The following SYCP2 variants were observed in gnomAD, a reference collection of about 807,000 sequenced individuals.
SYCP2 encodes synaptonemal complex lateral element protein.
SYCP2 carries 55 observed loss-of-function variants against 211.3 expected under a neutral mutation model. That is an observed-to-expected ratio of 0.26 (90% CI 0.21 to 0.33). The LOEUF is 0.33. Ranked by LOEUF, SYCP2 falls within the 10% of genes least tolerant of loss-of-function variation. The pLI is 1.00. For synonymous variants in SYCP2, 570 were observed against 555.2 expected, an observed-to-expected ratio of 1.03 and a Z score of -0.37; for missense variants, 1,731 against 1,752.0, an observed-to-expected ratio of 0.99 and a Z score of 0.21.
chr20:59,900,848 AT>A (rs766863001), intron 16 of SYCP2, 30 bp from the exon 17 acceptor site: 1 of 1,361,302 alleles, frequency 7.3e-7, no homozygotes, highest in Non-Finnish European at 1.0e-6. Flanking sequence ...CAGTGATGAC[AT>A]TTTCTTCATT....
intron 33 of SYCP2, 57 bp downstream of exon 33, chr20:59,877,328 T>C: frequency 8.5e-7 from 1 of 1,182,350 alleles, no homozygotes; most frequent in Admixed American, 3.0e-5. Flanking sequence ...TTTACAAAAA[T>C]ATATATTTAG....
intron 22 of SYCP2, 113 bp from the exon 23 acceptor site, chr20:59,892,814 TGTGGA>T: frequency 1.1e-6 from 1 of 940,268 alleles, no homozygotes; most frequent in Non-Finnish European, 1.5e-6. Flanking sequence ...GTGAAAATTA[TGTGGA>T]AATTTATCTT....
intron 4 of SYCP2, 139 bp from the exon 5 acceptor site, chr20:59,920,626 C>G: frequency 1.4e-6 from 1 of 696,802 alleles, no homozygotes; most frequent in Non-Finnish European, 2.3e-6. Context: ...TATATTGCAA[C>G]AGATGAAAAT....
At chr20:59,869,033 C>T in intron 36 of SYCP2, 108 bp from the exon 37 acceptor site, 1 of 714,110 alleles carries the variant, frequency 1.4e-6, no homozygotes, top group South Asian at 1.9e-5. Context: ...GCTGTCAATT[C>T]TTTCTCAGAT....
rs745573022 is a variant in SYCP2 at position 59,880,979 on chromosome 20, G to A, written c.2759C>T (p.Thr920Ile). Residue 920 changes from threonine (T) to isoleucine (I), a missense_variant, in exon 30 of 45, where the codon ACA becomes ATA. Transcript: ENST00000357552. ...ATTATAACTTACTTTTTTATCTTTT[G>A]TTTTGACAGAAGATTTAAGTTCATC... ...NHDELKSSVK[T>I]KDKKIITNHQ... The A allele has an allele frequency of 1.4e-6, 2 of 1,475,818 alleles. No individual in the cohort carries two copies. Among genetic ancestry groups the A allele is most frequent in the Non-Finnish European group, 1.9e-6 (2 of 1,078,576 alleles). 91.4% of individuals were successfully genotyped at this position (1,475,818 alleles called of 1,614,324 possible). A position where few individuals can be genotyped will look rare whatever the true frequency, so the allele number is the denominator to read the frequency against.
At chr20:59,908,809 C>T (rs1277582147) in intron 14 of SYCP2, among the ~76,000 whole-genome samples, 2 of 152,070 alleles carry the variant, frequency 1.3e-5, no homozygotes, top group South Asian at 2.1e-4. Flanking sequence ...TTTTTTCCTT[C>T]AACCTCTCCC....
At chr20:59,919,026 TAA>T in intron 7 of SYCP2, 130 bp downstream of exon 7, 1 of 482,226 alleles carries the variant, frequency 2.1e-6, no homozygotes. Context: ...CCCTTTACAG[TAA>T]AAGTTTGTTG....
intron 24 of SYCP2, among the ~76,000 whole-genome samples, chr20:59,888,692 G>C (rs1354365476): frequency 6.6e-6 from 1 of 151,908 alleles, no homozygotes; most frequent in Non-Finnish European, 1.5e-5. Flanking sequence ...ATATTGATTG[G>C]GAAAGAAGAA....
At chr20:59,866,649 T>C (rs2059343487) in intron 39 of SYCP2, 60 bp from the exon 40 acceptor site, 2 of 1,081,008 alleles carry the variant, frequency 1.9e-6, no homozygotes, top group Admixed American at 5.1e-5. Flanking sequence ...TAACCAAGAC[T>C]ACAGTAACAG....
At position 59,914,097 on chromosome 20, in the gene SYCP2, T is replaced by C; in HGVS notation, c.777+12A>G. 1.3e-6 allele frequency: 2 copies of C among 1,589,804 alleles called. No homozygotes were observed. Among genetic ancestry groups the C allele is most frequent in the Non-Finnish European group, 1.7e-6 (2 of 1,167,924 alleles). ...AAAATTCACGAATTTCTGTTATTGT[T>C]ATACAACTTACTGTTTCAAATTCAG... On this transcript the variant is annotated intron_variant, in intron 11 of 44. Coordinates refer to ENST00000357552, the MANE Select transcript of SYCP2 (RefSeq NM_014258.4).
Position 59,896,424 on chromosome 20 carries a change from CT to C in SYCP2, c.1504+4del. 1 of 1,499,666 alleles carries C rather than the reference CT, an allele frequency of 6.7e-7. No individual in the cohort carries two copies. The highest frequency in any genetic ancestry group is 9.2e-7 in the Non-Finnish European group (1 of 1,089,148). The allele number at this position is 1,499,666 out of a possible 1,614,324, so 92.9% of individuals were successfully genotyped here. ...TTAGAAATCTTTTAAAACTATAAAA[CT>C]TACATGTGTTGCTGAAAAGCACTGG... On this transcript the variant is annotated splice_donor_region_variant and intron_variant, in intron 19 of 44. Coordinates refer to ENST00000357552, the MANE Select transcript of SYCP2 (RefSeq NM_014258.4).
intron 14 of SYCP2, among the ~76,000 whole-genome samples, chr20:59,908,469 AG>A (rs539753065): frequency 5.3e-4 from 80 of 152,228 alleles, no homozygotes; most frequent in African/African-American, 1.9e-3. Context: ...CAGTATTCTA[AG>A]TTTTCCCCAA....
chr20:59,912,472 T>C, intron 12 of SYCP2, 54 bp from the exon 13 acceptor site: 1 of 652,106 alleles, frequency 1.5e-6, no homozygotes, highest in Non-Finnish European at 2.5e-6. Flanking sequence ...CAGCATAATC[T>C]TGTCCAGTAA....
In SYCP2 at chr20:59,907,505, A is replaced by G. The variant is rs1349453300; in HGVS notation, c.973-81T>C. On this transcript the variant is annotated intron_variant, in intron 14 of 44. Transcript: ENST00000357552. ...CTTTAAACATCAAATTTCAAGTTAC[A>G]GGAACTATGAATTCTTTTTGCTAGT... The G allele has an allele frequency of 7.8e-6, 9 of 1,155,736 alleles. No homozygotes were observed. In the Admixed American group the frequency reaches 1.9e-4, roughly 25 times the overall value. 71.6% of individuals were successfully genotyped at this position (1,155,736 alleles called of 1,614,324 possible). A position where few individuals can be genotyped will look rare whatever the true frequency, so the allele number is the denominator to read the frequency against.
chr20:59,910,858 T>C (rs761132307), intron 14 of SYCP2, among the ~76,000 whole-genome samples: 3 of 151,840 alleles, frequency 2.0e-5, no homozygotes, highest in Non-Finnish European at 2.9e-5. Flanking sequence ...AGGAGAAATA[T>C]ACTAATGGAA....
Position 59,918,910 on chromosome 20 carries a change from A to C in SYCP2, c.427+248T>G, listed in dbSNP as rs373377167. On this transcript the variant is annotated intron_variant, in intron 7 of 44. Coordinates refer to ENST00000357552, the MANE Select transcript of SYCP2 (RefSeq NM_014258.4). ...ATTATATTTTCAATGGCATCAATAAATTATTCATAGAAATTTGTTTTTCTT... is the reference window on the plus strand; with the variant it reads ...ATTATATTTTCAATGGCATCAATAACTTATTCATAGAAATTTGTTTTTCTT... Among the ~76,000 whole-genome samples, 84 of 152,216 alleles carry C rather than the reference A, an allele frequency of 5.5e-4. 1 individual carries two copies. In the South Asian group the frequency reaches 0.017, roughly 30 times the overall value.
chr20:59,901,658 T>G lies in SYCP2; in HGVS notation c.1182+4A>C, dbSNP rs1251382828. The G allele has an allele frequency of 1.3e-6, 2 of 1,496,056 alleles. No individual in the cohort carries two copies. Among genetic ancestry groups the G allele is most frequent in the Admixed American group, 3.8e-5 (2 of 52,650 alleles). 92.7% of individuals were successfully genotyped at this position (1,496,056 alleles called of 1,614,324 possible). A position where few individuals can be genotyped will look rare whatever the true frequency, so the allele number is the denominator to read the frequency against. On this transcript the variant is annotated splice_donor_region_variant and intron_variant, in intron 16 of 44. Coordinates refer to ENST00000357552, the MANE Select transcript of SYCP2 (RefSeq NM_014258.4). Reference sequence around the variant, plus strand: ...GTAAATATTTATTAAGTTTAAAGACTTACCCTATGTTTAGTTGCACCAAAA... The same window carrying G: ...GTAAATATTTATTAAGTTTAAAGACGTACCCTATGTTTAGTTGCACCAAAA...
rs763561850 is a variant in SYCP2 at position 59,875,272 on chromosome 20, T to C, written c.3348A>G (p.Arg1116=). Residue 1116 remains arginine (R), a splice_region_variant and synonymous_variant, in exon 34 of 45, where the codon AGA becomes AGG. Transcript: ENST00000357552. The part of the protein sequence containing the change: ...SGSPSSIEVT[R]CIEKITEKDF... The stretch of plus-strand genomic sequence containing the variant: ...AAGAAAAAACAAAGTTATACTGACA[T>C]CTCGTTACTTCTATAGATGATGGAC... 2 of 1,586,524 alleles carry C rather than the reference T, an allele frequency of 1.3e-6. No individual in the cohort carries two copies. Among genetic ancestry groups the C allele is most frequent in the African/African-American group, 2.7e-5 (2 of 74,056 alleles).
At chr20:59,869,001 C>A in intron 36 of SYCP2, 76 bp from the exon 37 acceptor site, 6 of 995,202 alleles carry the variant, frequency 6.0e-6, no homozygotes, top group Non-Finnish European at 8.9e-6. Context: ...TTTCTCAAAC[C>A]CAAAAACCAA....
Sources: gnomAD v4.1 joint callset for allele counts (sites outside exome capture counted in the v4.1 genomes callset) on GRCh38, gnomAD v4.1.1 for gene constraint, MANE v1.5 for transcripts, NCBI Gene and HGNC (gene_info 2026-07-23, HGNC 2026-07-21) for gene names.